The following DENND2A variants were observed in gnomAD, a reference collection of about 807,000 sequenced individuals.
DENND2A encodes DENN domain-containing protein 2A.
A neutral mutation model predicts 105.3 loss-of-function variants in DENND2A; 53 were observed. The observed-to-expected ratio is 0.50, with a 90% CI of 0.40 to 0.63. The LOEUF is 0.63. Among genes scored for constraint, DENND2A ranks in the 30% least tolerant of loss-of-function variants. The pLI, the probability that DENND2A is intolerant of heterozygous loss-of-function variation, is 0.00. For synonymous variants in DENND2A, 522 were observed against 508.4 expected (o/e 1.03, Z -0.36); for missense variants, 1,138 against 1,279.6 (o/e 0.89, Z 1.69).
intron 12 of DENND2A, among the ~76,000 whole-genome samples, chr7:140,548,897 C>A (rs968520414): frequency 5.9e-5 from 9 of 151,908 alleles, no homozygotes; most frequent in African/African-American, 2.2e-4. Flanking sequence ...AGGCATGAGC[C>A]ACTGTGCTGG....
intron 9 of DENND2A, among the ~76,000 whole-genome samples, chr7:140,561,498 C>CTTTTTT (rs536896244): frequency 4.9e-5 from 5 of 102,516 alleles, no homozygotes; most frequent in African/African-American, 7.3e-5. Flanking sequence ...TTTCTGTTGT[C>CTTTTTT]TTTTTTTTTT....
Position 140,524,358 on chromosome 7 carries a change from C to T in DENND2A, c.2548-934G>A, listed in dbSNP as rs111580214. On this transcript the variant is annotated intron_variant, in intron 16 of 19. Coordinates refer to ENST00000496613, the MANE Select transcript of DENND2A (RefSeq NM_015689.5). ...ATAAAAAGAAAATACATGTGTGTTA[C>T]CTTCTCTGCTAGTGAAAGTAACTGA... Among the ~76,000 whole-genome samples the T allele has an allele frequency of 1.8e-4, 28 of 152,234 alleles. 3 individuals are homozygous for T. Among genetic ancestry groups the T allele is most frequent in the African/African-American group, 6.5e-4 (27 of 41,538 alleles).
intron 5 of DENND2A, among the ~76,000 whole-genome samples, chr7:140,574,428 A>G (rs1436602555): frequency 1.3e-5 from 2 of 152,070 alleles, no homozygotes; most frequent in East Asian, 3.9e-4. Context: ...CGTGTTGCCC[A>G]GGCTGGTCTC....
rs962832414 is a variant in DENND2A at position 140,640,296 on chromosome 7, A to C, written c.-248+208T>G. The C allele has an allele frequency of 1.3e-5, 2 of 152,212 alleles. No homozygotes were observed. Among genetic ancestry groups the C allele is most frequent in the African/African-American group, 4.8e-5 (2 of 41,428 alleles). 9.4% of individuals were successfully genotyped at this position (152,212 alleles called of 1,614,324 possible). On this transcript the variant is annotated intron_variant, in intron 1 of 19. Coordinates refer to ENST00000496613, the MANE Select transcript of DENND2A (RefSeq NM_015689.5). This position sits in a 1 kb window ranked among gnomAD's most constrained non-coding sequence, Gnocchi z 4.9. Reference sequence around the variant, plus strand: ...GGCGGCGTCCGGGCTCAGTCCTGGGAGTCAGCCCGAGCCCGGGAGGAACGC... The same window carrying C: ...GGCGGCGTCCGGGCTCAGTCCTGGGCGTCAGCCCGAGCCCGGGAGGAACGC...
rs143771781 is a variant in DENND2A, at chr7:140,541,011, C to A, written c.2327+3607G>T. 1.2e-3 allele frequency among the ~76,000 whole-genome samples: 185 copies of A among 152,254 alleles called. 4 individuals are homozygous for A. The East Asian group carries it at 0.034, about 28-fold the overall frequency. On this transcript the variant is annotated intron_variant, in intron 14 of 19. Coordinates refer to ENST00000496613, the MANE Select transcript of DENND2A (RefSeq NM_015689.5). ...GGGATTACAGGCGTGAGCCACTGAG[C>A]CTGGCTGGCATTTCCAGGTTTCTTT...
rs77236945 is a variant in DENND2A at position 140,577,867 on chromosome 7, C to A, written c.1246-3859G>T. Among the ~76,000 whole-genome samples, 1,160 of 152,228 alleles carry A rather than the reference C, an allele frequency of 7.6e-3. 14 individuals carry two copies. Among genetic ancestry groups the A allele is most frequent in the African/African-American group, 0.027 (1,119 of 41,540 alleles). On this transcript the variant is annotated intron_variant, in intron 5 of 19. Transcript: ENST00000496613. The stretch of plus-strand genomic sequence containing the variant: ...AACTTTATTCATAACATCAGGGAAC[C>A]AGCAGTTGCTTGTCACACCCAGAAC...
intron 5 of DENND2A, among the ~76,000 whole-genome samples, chr7:140,581,919 G>T (rs1798562074): frequency 6.6e-6 from 1 of 151,838 alleles, no homozygotes; most frequent in Non-Finnish European, 1.5e-5. Flanking sequence ...TTATTTCCTG[G>T]TATCAGGGAG....
chr7:140,613,881 A>G (rs1419910393), intron 1 of DENND2A, among the ~76,000 whole-genome samples: 1 of 152,154 alleles, frequency 6.6e-6, no homozygotes, highest in East Asian at 1.9e-4. Flanking sequence ...AGCTGGATGA[A>G]TGCACTACTG....
rs895505530 is a variant in DENND2A, at chr7:140,523,042, G to A, written c.2665+265C>T. Among the ~76,000 whole-genome samples the A allele has an allele frequency of 3.3e-5, 5 of 152,166 alleles. No individual in the cohort carries two copies. The highest frequency in any genetic ancestry group is 9.7e-5 in the African/African-American group (4 of 41,436). ...CCTGCCTCAGCCTCCCGGGTAGCTG[G>A]GACCACAGGCATGTGCCACCATGCC... On this transcript the variant is annotated intron_variant, in intron 17 of 19. Transcript: ENST00000496613. The surrounding 1 kb of genome is among the most constrained non-coding windows in gnomAD (Gnocchi z 4.5).
intron 12 of DENND2A, among the ~76,000 whole-genome samples, chr7:140,554,793 C>G (rs1014217859): frequency 6.6e-6 from 1 of 152,138 alleles, no homozygotes; most frequent in Admixed American, 6.6e-5. Context: ...TAATTCAATA[C>G]GGCAATTCCT....
Position 140,519,765 on chromosome 7 carries a change from C to T in DENND2A, c.2912-47G>A, listed in dbSNP as rs1453203066. ...GCCATTTGAGTTCTTGGTCTTTGCA[C>T]TTCTAAATGTGTCCATTTCCTCCCT... On this transcript the variant is annotated intron_variant, in intron 18 of 19. Coordinates refer to ENST00000496613, the MANE Select transcript of DENND2A (RefSeq NM_015689.5). 3.3e-6 allele frequency: 5 copies of T among 1,535,658 alleles called. No homozygotes were observed. The South Asian group carries it at 3.4e-5, about 10-fold the overall frequency.
chr7:140,599,315 G>A (rs1799396127), intron 3 of DENND2A, among the ~76,000 whole-genome samples: 2 of 151,808 alleles, frequency 1.3e-5, no homozygotes, highest in African/African-American at 4.8e-5. Context: ...TCCAGCCTGG[G>A]CGATACTCTG....
chr7:140,600,587 A>C (rs1381098209), intron 3 of DENND2A, among the ~76,000 whole-genome samples: 1 of 152,144 alleles, frequency 6.6e-6, no homozygotes, highest in African/African-American at 2.4e-5. Flanking sequence ...AATTAAGAAA[A>C]AAACAAAGAA....
At chr7:140,598,713 G>T (rs554701470) in intron 3 of DENND2A, among the ~76,000 whole-genome samples, 144 of 152,008 alleles carry the variant, frequency 9.5e-4, no homozygotes, top group Admixed American at 1.4e-3. Flanking sequence ...AAAGAGAAAA[G>T]ACTTAGAAAT....
At chr7:140,625,719 G>A (rs1563186210) in intron 1 of DENND2A, among the ~76,000 whole-genome samples, 1 of 151,908 alleles carries the variant, frequency 6.6e-6, no homozygotes, top group Non-Finnish European at 1.5e-5. Context: ...ACAAAAAAAC[G>A]AAAACAAAAA....
rs1799474669 is a variant in DENND2A, at chr7:140,601,332, CG to C, written c.995+70del. The C allele has an allele frequency of 3.3e-6, 5 of 1,505,044 alleles. No individual in the cohort carries two copies. In the African/African-American group the frequency reaches 7.0e-5, roughly 21 times the overall value. 93.2% of individuals were successfully genotyped at this position (1,505,044 alleles called of 1,614,324 possible). On this transcript the variant is annotated intron_variant, in intron 3 of 19. Transcript: ENST00000496613. ...AACAAATAATTCAGCTGAGAACAGA[CG>C]GTTATGATGGGACACAAACCACTGA...
At chr7:140,634,778 A>C (rs559294687) in intron 1 of DENND2A, among the ~76,000 whole-genome samples, 66 of 152,180 alleles carry the variant, frequency 4.3e-4, no homozygotes, top group African/African-American at 1.6e-3. Context: ...AGGCTGAGGC[A>C]GGAGAATTGC....
At chr7:140,548,091 T>C (rs1385526245) in intron 12 of DENND2A, among the ~76,000 whole-genome samples, 1 of 151,964 alleles carries the variant, frequency 6.6e-6, no homozygotes, top group Non-Finnish European at 1.5e-5. Context: ...TATATATTTT[T>C]TATTTTTTAT....
chr7:140,593,667 A>G (rs1437529238), intron 3 of DENND2A, among the ~76,000 whole-genome samples: 1 of 152,172 alleles, frequency 6.6e-6, no homozygotes, highest in African/African-American at 2.4e-5. Flanking sequence ...TGAAACCTGG[A>G]AATCAGACTC....
Sources: allele counts gnomAD v4.1 joint callset (sites outside exome capture counted in the v4.1 genomes callset), GRCh38; gene constraint gnomAD v4.1.1; non-coding constraint Gnocchi (gnomAD v3.1); transcripts MANE v1.5; gene names NCBI Gene and HGNC (gene_info 2026-07-23, HGNC 2026-07-21).